NPAS3: variants seen among roughly 807,000 people sequenced by gnomAD.
The protein encoded by NPAS3 is neuronal PAS domain protein 3.
In NPAS3, 14 loss-of-function variants were observed where a neutral mutation model predicts 73.1. The observed-to-expected ratio is 0.19, with a 90% CI of 0.13 to 0.30. The LOEUF (loss-of-function observed/expected upper bound fraction) is 0.30. Among genes scored for constraint, NPAS3 ranks in the 10% least tolerant of loss-of-function variants. The probability of loss-of-function intolerance (pLI) is 1.00; values close to 1 mark genes in which losing one functional copy is unlikely to be tolerated. For synonymous variants in NPAS3, 620 were observed against 541.5 expected, an observed-to-expected ratio of 1.14 and a Z score of -2.01; for missense variants, 1,096 against 1,250.0, an observed-to-expected ratio of 0.88 and a Z score of 1.86.
At chr14:33,705,859 C>T (rs1327983404) in intron 6 of NPAS3, among the ~76,000 whole-genome samples, 3 of 152,174 alleles carry the variant, frequency 2.0e-5, no homozygotes, top group African/African-American at 4.8e-5. Flanking sequence ...CTGACAAGGG[C>T]GGAAATCAAA....
intron 3 of NPAS3, among the ~76,000 whole-genome samples, chr14:33,234,018 A>G (rs1189429934): frequency 6.6e-6 from 1 of 152,116 alleles, no homozygotes; most frequent in Non-Finnish European, 1.5e-5. Flanking sequence ...TGTATATTAG[A>G]TAAAGCACGA....
At chr14:32,939,907 C>T (rs1278393017) in intron 1 of NPAS3, among the ~76,000 whole-genome samples, 1 of 151,938 alleles carries the variant, frequency 6.6e-6, no homozygotes, top group African/African-American at 2.4e-5. Flanking sequence ...GCGGAGGGGC[C>T]GGCTCCGTCT....
At chr14:33,155,375 T>G (rs1242349348) in intron 2 of NPAS3, among the ~76,000 whole-genome samples, 1 of 152,196 alleles carries the variant, frequency 6.6e-6, no homozygotes, top group Admixed American at 6.5e-5. Context: ...CTCCTGGGTA[T>G]TTTCAAATAA....
intron 5 of NPAS3, among the ~76,000 whole-genome samples, chr14:33,617,259 TC>T (rs1234618712): frequency 3.3e-5 from 5 of 152,174 alleles, no homozygotes; most frequent in Admixed American, 6.5e-5. Flanking sequence ...GGCCAAACAC[TC>T]AAGCTTTATT....
chr14:33,529,391 G>A (rs530304674), intron 4 of NPAS3, among the ~76,000 whole-genome samples: 4 of 152,086 alleles, frequency 2.6e-5, no homozygotes, highest in Admixed American at 2.6e-4. Flanking sequence ...CGTAACAGTG[G>A]ATTTTTCCTG....
intron 2 of NPAS3, among the ~76,000 whole-genome samples, chr14:33,177,379 A>G (rs1194858286): frequency 6.6e-6 from 1 of 151,812 alleles, no homozygotes; most frequent in African/African-American, 2.4e-5. Flanking sequence ...TCTTTTTATT[A>G]TTTAGTTTTA....
intron 5 of NPAS3, among the ~76,000 whole-genome samples, chr14:33,566,989 G>A (rs144849344): frequency 8.7e-4 from 133 of 152,284 alleles, no homozygotes; most frequent in African/African-American, 3.1e-3. Context: ...GTTGGTGTTT[G>A]GAAAGTATTT....
At chr14:33,087,091 TTATACAATATAATATTGTATAATATAG>T (rs1595413333) in intron 2 of NPAS3, among the ~76,000 whole-genome samples, 12 of 109,838 alleles carry the variant, frequency 1.1e-4, no homozygotes, top group Middle Eastern at 4.6e-3. Context: ...GTATAATATG[TTATACAATATAATATTGTATAATATAG>T]TATACAATAT....
At chr14:33,438,541 A>G (rs967440) in intron 4 of NPAS3, among the ~76,000 whole-genome samples, 29,975 of 152,142 alleles carry the variant, frequency 0.2, 3,510 homozygotes, top group East Asian at 0.48. Context: ...TTGTAGAAGA[A>G]TTGCTCAAAA....
intron 3 of NPAS3, among the ~76,000 whole-genome samples, chr14:33,282,452 G>C (rs2041667305): frequency 6.6e-6 from 1 of 152,198 alleles, no homozygotes; most frequent in Non-Finnish European, 1.5e-5. Context: ...ATTGCATGGT[G>C]AAATTAAGGG....
chr14:33,189,739 A>G (rs973983348), intron 2 of NPAS3, among the ~76,000 whole-genome samples: 4 of 152,218 alleles, frequency 2.6e-5, no homozygotes, highest in Non-Finnish European at 5.9e-5. Context: ...TAACGTTCAT[A>G]TGAATTAGTT....
chr14:33,632,742 C>T (rs1045391999), intron 5 of NPAS3, among the ~76,000 whole-genome samples: 1 of 152,204 alleles, frequency 6.6e-6, no homozygotes, highest in Non-Finnish European at 1.5e-5. Context: ...AGGAAACGCT[C>T]TTTTTTACCA....
At chr14:33,757,744 C>T (rs1259051725) in intron 7 of NPAS3, among the ~76,000 whole-genome samples, 3 of 152,176 alleles carry the variant, frequency 2.0e-5, no homozygotes, top group African/African-American at 7.2e-5. Context: ...GATGCACTCC[C>T]CTTTTCTGCC....
At chr14:33,061,484 T>C (rs983761688) in intron 2 of NPAS3, among the ~76,000 whole-genome samples, 1 of 152,236 alleles carries the variant, frequency 6.6e-6, no homozygotes, top group Non-Finnish European at 1.5e-5. Flanking sequence ...AATTTCCACA[T>C]CATGCCTTTC....
At chr14:33,201,190 G>A (rs1281367440) in intron 2 of NPAS3, among the ~76,000 whole-genome samples, 3 of 152,188 alleles carry the variant, frequency 2.0e-5, no homozygotes, top group Non-Finnish European at 4.4e-5. Flanking sequence ...TCTAATGCTA[G>A]TAAAGCTCAA....
intron 1 of NPAS3, among the ~76,000 whole-genome samples, chr14:32,968,686 G>A (rs2037289542): frequency 6.6e-6 from 1 of 152,024 alleles, no homozygotes; most frequent in East Asian, 1.9e-4. Flanking sequence ...CAGGAATCTT[G>A]GAGTGCTTGC....
chr14:33,345,098 G>A (rs2044666308), intron 3 of NPAS3, among the ~76,000 whole-genome samples: 1 of 152,180 alleles, frequency 6.6e-6, no homozygotes, highest in South Asian at 2.1e-4. Flanking sequence ...TAACAGGGAT[G>A]GATGTGGCAA....
At chr14:33,747,484 C>T (rs1489794304) in intron 7 of NPAS3, among the ~76,000 whole-genome samples, 1 of 152,208 alleles carries the variant, frequency 6.6e-6, no homozygotes, top group Non-Finnish European at 1.5e-5. Context: ...GGATGCCCCC[C>T]ATCCCACCAT....
At chr14:32,982,320 A>G (rs1465802682) in intron 1 of NPAS3, among the ~76,000 whole-genome samples, 3 of 152,182 alleles carry the variant, frequency 2.0e-5, no homozygotes, top group Admixed American at 6.5e-5. Flanking sequence ...CCCACCTCCC[A>G]ACACTGTTGT....
Sources: gnomAD v4.1 joint callset for allele counts (sites outside exome capture counted in the v4.1 genomes callset) on GRCh38, gnomAD v4.1.1 for gene constraint, MANE v1.5 for transcripts, NCBI Gene and HGNC (gene_info 2026-07-23, HGNC 2026-07-21) for gene names.